The following PAIP2 variants were observed in gnomAD, a reference collection of about 807,000 sequenced individuals.
The protein encoded by PAIP2 is poly(A) binding protein interacting protein 2.
PAIP2 carries 7 observed loss-of-function variants against 14.8 expected under a neutral mutation model. The observed-to-expected ratio is 0.47, with a 90% CI of 0.27 to 0.89. The LOEUF (loss-of-function observed/expected upper bound fraction) is 0.89, where lower values mean the gene tolerates loss of function less well. Ranked by LOEUF, PAIP2 falls within the 40% of genes least tolerant of loss-of-function variation. PAIP2 has a pLI of 0.13. For missense variants in PAIP2, 122 were observed against 154.7 expected (o/e 0.79, Z 1.12); for synonymous variants, 47 against 45.3 (o/e 1.04, Z -0.15).
chr5:139,346,542 T>A (rs1419863219), intron 1 of PAIP2, among the ~76,000 whole-genome samples: 1 of 151,638 alleles, frequency 6.6e-6, no homozygotes, highest in Non-Finnish European at 1.5e-5. Context: ...GGCCTATTTT[T>A]ATTTTTTGAG....
At chr5:139,355,076 C>G (rs1484349615) in intron 1 of PAIP2, among the ~76,000 whole-genome samples, 1 of 151,664 alleles carries the variant, frequency 6.6e-6, no homozygotes, top group Non-Finnish European at 1.5e-5. Flanking sequence ...CCCCAGCCTT[C>G]CAAAGTCCCA....
At chr5:139,360,996 G>A (rs982641854) in intron 1 of PAIP2, among the ~76,000 whole-genome samples, 1 of 152,006 alleles carries the variant, frequency 6.6e-6, no homozygotes, top group Admixed American at 6.6e-5. Context: ...GCCCAGGCTG[G>A]TCTCGAACTC....
chr5:139,357,113 T>G (rs763010057), intron 1 of PAIP2, among the ~76,000 whole-genome samples: 45 of 152,292 alleles, frequency 3.0e-4, no homozygotes, highest in Admixed American at 6.5e-4. Flanking sequence ...TAAATGCCTT[T>G]AAGCAAAAAA....
In PAIP2 at chr5:139,364,748, A is replaced by C. The variant is rs764591973; in HGVS notation, c.318+5A>C. 2.5e-6 allele frequency: 4 copies of C among 1,585,972 alleles called. No individual in the cohort carries two copies. The highest frequency in any genetic ancestry group is 1.1e-5 in the South Asian group (1 of 87,422). On this transcript the variant is annotated splice_donor_5th_base_variant and intron_variant, in intron 3 of 3. Transcript: ENST00000265192. ...TCTTCTCTGGAAGATCTTGTGGTAAAAAGTTATTTTTCATCTTTTTAAAAC... is the reference window on the plus strand; with the variant it reads ...TCTTCTCTGGAAGATCTTGTGGTAACAAGTTATTTTTCATCTTTTTAAAAC...
At chr5:139,342,255 G>T (rs1360046257) in intron 1 of PAIP2, among the ~76,000 whole-genome samples, 1 of 151,984 alleles carries the variant, frequency 6.6e-6, no homozygotes, top group Non-Finnish European at 1.5e-5. Flanking sequence ...TCAGTGGCGC[G>T]AGGGTTGCCG....
At chr5:139,344,184 C>T (rs1210841747) in intron 1 of PAIP2, among the ~76,000 whole-genome samples, 1 of 152,160 alleles carries the variant, frequency 6.6e-6, no homozygotes, top group African/African-American at 2.4e-5. Context: ...AGTAACTTTC[C>T]CAATGTCACA....
chr5:139,341,903 G>C lies in PAIP2; in HGVS notation c.-104G>C, dbSNP rs530604406. 2.6e-5 allele frequency: 4 copies of C among 152,906 alleles called. No individual in the cohort carries two copies. Among genetic ancestry groups the C allele is most frequent in the South Asian group, 4.1e-4 (2 of 4,844 alleles). The allele number at this position is 152,906 out of a possible 1,614,324, so 9.5% of individuals were successfully genotyped here. A position where few individuals can be genotyped will look rare whatever the true frequency, so the allele number is the denominator to read the frequency against. ...GCGGCGGGCGAAGCGCACGTCGAGC[G>C]GGGGAGCGGCGCTGCCTGTGGAGAT... On this transcript the variant is annotated 5_prime_UTR_variant, in exon 1 of 4. Transcript: ENST00000265192.
intron 1 of PAIP2, among the ~76,000 whole-genome samples, 186 bp downstream of exon 1, chr5:139,342,166 C>T (rs1206979361): frequency 6.6e-6 from 1 of 152,112 alleles, no homozygotes; most frequent in Non-Finnish European, 1.5e-5. Flanking sequence ...TCGTCTCTGT[C>T]TTCTCCGAGA....
chr5:139,353,870 C>G (rs1756827726), intron 1 of PAIP2, among the ~76,000 whole-genome samples: 1 of 152,002 alleles, frequency 6.6e-6, no homozygotes, highest in Non-Finnish European at 1.5e-5. Context: ...CAGGTGCCTG[C>G]CACCACACCC....
chr5:139,368,906 A>G lies in PAIP2; in HGVS notation c.*108A>G. On this transcript the variant is annotated 3_prime_UTR_variant, in exon 4 of 4. Transcript: ENST00000265192. ...TCTTGTCACTGTGTTACACTTATGCATTGCCAAAGTTTTTGTTAGTCTTGC... is the reference window on the plus strand; with the variant it reads ...TCTTGTCACTGTGTTACACTTATGCGTTGCCAAAGTTTTTGTTAGTCTTGC... 2 of 782,210 alleles carry G rather than the reference A, an allele frequency of 2.6e-6. No individual in the cohort carries two copies. Among genetic ancestry groups the G allele is most frequent in the Non-Finnish European group, 4.2e-6 (2 of 470,880 alleles). The allele number at this position is 782,210 out of a possible 1,614,324, so 48.5% of individuals were successfully genotyped here. A position where few individuals can be genotyped will look rare whatever the true frequency, so the allele number is the denominator to read the frequency against.
At chr5:139,355,433 A>G (rs554784165) in intron 1 of PAIP2, among the ~76,000 whole-genome samples, 5 of 152,248 alleles carry the variant, frequency 3.3e-5, no homozygotes, top group Admixed American at 1.3e-4. Flanking sequence ...TGGCCTCTCA[A>G]AGTGCTGGGA....
chr5:139,357,097 T>A (rs1279383565), intron 1 of PAIP2, among the ~76,000 whole-genome samples: 1 of 152,122 alleles, frequency 6.6e-6, no homozygotes, highest in East Asian at 1.9e-4. Context: ...TTTGACAGAT[T>A]TTTTTTAAAT....
At chr5:139,356,742 C>T (rs979547057) in intron 1 of PAIP2, among the ~76,000 whole-genome samples, 10 of 151,758 alleles carry the variant, frequency 6.6e-5, no homozygotes, top group Admixed American at 6.6e-4. Flanking sequence ...AGAAAATTAG[C>T]CAGGTGTGCT....
At chr5:139,345,114 C>T (rs775520424) in intron 1 of PAIP2, among the ~76,000 whole-genome samples, 3 of 151,942 alleles carry the variant, frequency 2.0e-5, no homozygotes, top group South Asian at 2.1e-4. Flanking sequence ...GGCGCGATCT[C>T]GGCTCACTGC....
intron 1 of PAIP2, among the ~76,000 whole-genome samples, chr5:139,362,253 C>G (rs1757086004): frequency 6.6e-6 from 1 of 151,926 alleles, no homozygotes; most frequent in Admixed American, 6.6e-5. Flanking sequence ...TGGAGTTTCC[C>G]TCTGTTGCCT....
intron 2 of PAIP2, chr5:139,364,162 C>G: frequency 2.0e-6 from 1 of 488,626 alleles, no homozygotes; most frequent in Non-Finnish European, 3.6e-6. Context: ...GAGGGTGGAG[C>G]CTGGGAAACT....
chr5:139,352,503 T>TTTTTTGTTTTTTG (rs1554153576), intron 1 of PAIP2, among the ~76,000 whole-genome samples: 7 of 124,462 alleles, frequency 5.6e-5, no homozygotes, highest in Admixed American at 2.4e-4. Flanking sequence ...TTTTTTGTTG[T>TTTTTTGTTTTTTG]TTTTTTTTTT....
chr5:139,367,229 T>G (rs1375486114), intron 3 of PAIP2: 1 of 152,324 alleles, frequency 6.6e-6, no homozygotes, highest in Non-Finnish European at 1.5e-5. Context: ...ATATTATGCA[T>G]TAGTCTTGAA....
At chr5:139,346,758 G>A (rs1581289761) in intron 1 of PAIP2, among the ~76,000 whole-genome samples, 1 of 151,914 alleles carries the variant, frequency 6.6e-6, no homozygotes, top group South Asian at 2.1e-4. Flanking sequence ...TCAATCTCTT[G>A]ACCTCGTGAT....
Sources: gnomAD v4.1 joint callset for allele counts (sites outside exome capture counted in the v4.1 genomes callset) on GRCh38, gnomAD v4.1.1 for gene constraint, MANE v1.5 for transcripts, NCBI Gene and HGNC (gene_info 2026-07-23, HGNC 2026-07-21) for gene names.